Variants in PLXNA4 observed in about 807,000 individuals in gnomAD.
PLXNA4 encodes plexin A4.
In PLXNA4, 44 loss-of-function variants were observed where a neutral mutation model predicts 191.8. The ratio of observed to expected loss-of-function variants is 0.23; its 90% CI spans 0.18 to 0.29. The LOEUF is 0.29. Among genes scored for constraint, PLXNA4 ranks in the 10% least tolerant of loss-of-function variants. The probability of loss-of-function intolerance (pLI) is 1.00; values close to 1 mark genes in which losing one functional copy is unlikely to be tolerated. For missense variants in PLXNA4, 1,800 were observed against 2,488.8 expected (o/e 0.72, Z 5.89); for synonymous variants, 1,082 against 1,009.5 (o/e 1.07, Z -1.36).
intron 1 of PLXNA4, among the ~76,000 whole-genome samples, chr7:132,553,099 A>C (rs1800631510): frequency 1.3e-5 from 2 of 152,126 alleles, no homozygotes; most frequent in African/African-American, 4.8e-5. Context: ...CAGGCAGAAA[A>C]CCTGCTGCTC....
chr7:132,378,002 A>G (rs1447812950), intron 3 of PLXNA4, among the ~76,000 whole-genome samples: 1 of 152,218 alleles, frequency 6.6e-6, no homozygotes, highest in Non-Finnish European at 1.5e-5. Context: ...CTGACATAGC[A>G]CTGTTCCCCC....
chr7:132,377,620 G>A lies in PLXNA4; in HGVS notation c.1372-79398C>T, dbSNP rs73436739. On this transcript the variant is annotated intron_variant, in intron 3 of 31. Coordinates refer to ENST00000321063, the MANE Select transcript of PLXNA4 (RefSeq NM_020911.2). ...TCCCCTTCTACAACATCCCTCATGGGTCCACAGGAGCCCCTCTCCCCACCT... is the reference window on the plus strand; with the variant it reads ...TCCCCTTCTACAACATCCCTCATGGATCCACAGGAGCCCCTCTCCCCACCT... Among the ~76,000 whole-genome samples, 1,293 of 152,072 alleles carry A rather than the reference G, an allele frequency of 8.5e-3. 16 individuals are homozygous for A. Among genetic ancestry groups the A allele is most frequent in the African/African-American group, 0.029 (1,208 of 41,446 alleles).
At chr7:132,404,980 A>G (rs1219135775) in intron 3 of PLXNA4, among the ~76,000 whole-genome samples, 2 of 151,994 alleles carry the variant, frequency 1.3e-5, no homozygotes, top group Non-Finnish European at 2.9e-5. Context: ...GAAGGATCTG[A>G]GTCTGACGTT....
chr7:132,603,924 A>C (rs1452728531), intron 2 of PLXNA4, among the ~76,000 whole-genome samples: 1 of 152,210 alleles, frequency 6.6e-6, no homozygotes, highest in African/African-American at 2.4e-5. Flanking sequence ...AAAACCTTGC[A>C]TCCACTATGT....
chr7:132,178,419 T>A (rs1318532914), intron 20 of PLXNA4, among the ~76,000 whole-genome samples: 1 of 152,152 alleles, frequency 6.6e-6, no homozygotes, highest in African/African-American at 2.4e-5. Flanking sequence ...TGGCTTTTTA[T>A]CAGTCTGCAG....
chr7:132,290,574 C>T (rs899280127), intron 4 of PLXNA4, among the ~76,000 whole-genome samples: 1 of 152,166 alleles, frequency 6.6e-6, no homozygotes, highest in Non-Finnish European at 1.5e-5. Flanking sequence ...TAAATACACA[C>T]CACACTCATA....
At chr7:132,185,587 CA>C in intron 15 of PLXNA4, 124 bp from the exon 16 acceptor site, 5 of 1,378,910 alleles carry the variant, frequency 3.6e-6, no homozygotes, top group Non-Finnish European at 4.8e-6. Context: ...TGGGTGCTCT[CA>C]GACAGAAAAC....
intron 3 of PLXNA4, among the ~76,000 whole-genome samples, chr7:132,423,176 C>T (rs1055200350): frequency 2.6e-5 from 4 of 152,232 alleles, no homozygotes; most frequent in East Asian, 1.9e-4. Context: ...ATCTGCCCTG[C>T]GGAGGCTCTG....
At chr7:132,304,797 C>T (rs564861734) in intron 3 of PLXNA4, among the ~76,000 whole-genome samples, 10 of 152,198 alleles carry the variant, frequency 6.6e-5, no homozygotes, top group Admixed American at 2.0e-4. Flanking sequence ...GCCCTCCCTC[C>T]CCCCTGTCCT....
At chr7:132,453,759 C>T (rs1796215490) in intron 3 of PLXNA4, among the ~76,000 whole-genome samples, 1 of 152,204 alleles carries the variant, frequency 6.6e-6, no homozygotes, top group African/African-American at 2.4e-5. Context: ...CCAGGAAGGT[C>T]TCTATCTCCT....
intron 29 of PLXNA4, 54 bp downstream of exon 29, chr7:132,145,065 G>C (rs1056928378): frequency 6.2e-7 from 1 of 1,611,792 alleles, no homozygotes; most frequent in African/African-American, 1.3e-5. Context: ...CCATTAACTT[G>C]AGGCTGGGTG....
intron 1 of PLXNA4, among the ~76,000 whole-genome samples, chr7:132,550,561 A>G (rs1800516711): frequency 6.6e-6 from 1 of 152,188 alleles, no homozygotes; most frequent in Admixed American, 6.5e-5. Context: ...AGCTCAGCTA[A>G]TTTAAAAAAT....
At chr7:132,570,835 G>C (rs912826664) in intron 1 of PLXNA4, among the ~76,000 whole-genome samples, 5 of 152,200 alleles carry the variant, frequency 3.3e-5, no homozygotes, top group Non-Finnish European at 7.3e-5. Context: ...ACACCATAGA[G>C]GGGGAGGGGA....
chr7:132,470,033 G>A (rs1796875813), intron 3 of PLXNA4, among the ~76,000 whole-genome samples: 2 of 152,186 alleles, frequency 1.3e-5, no homozygotes, highest in Non-Finnish European at 1.5e-5. Context: ...CCACATGCCA[G>A]AGCCACCAAA....
chr7:132,246,173 T>C (rs1016536419), intron 4 of PLXNA4, among the ~76,000 whole-genome samples: 3 of 152,230 alleles, frequency 2.0e-5, no homozygotes, highest in African/African-American at 7.2e-5. Context: ...GCAGCATGGA[T>C]ATGAAAACAC....
At chr7:132,347,733 C>G (rs1010403273) in intron 3 of PLXNA4, among the ~76,000 whole-genome samples, 1 of 151,974 alleles carries the variant, frequency 6.6e-6, no homozygotes, top group African/African-American at 2.4e-5. Context: ...TGCCCATGAT[C>G]ACGGAGATAG....
intron 4 of PLXNA4, among the ~76,000 whole-genome samples, chr7:132,292,025 C>T (rs1800911040): frequency 6.6e-6 from 1 of 152,138 alleles, no homozygotes; most frequent in African/African-American, 2.4e-5. Context: ...GAACTCCTGA[C>T]CTCAGGTGAC....
rs148615103 is a variant in PLXNA4, at chr7:132,571,616, G to A, written c.-87+4806C>T. ...ACCATCCATCCCTTAGCAACCTGGCGCCTTGGACATCTCACCTAAACTCTC... is the reference window on the plus strand; with the variant it reads ...ACCATCCATCCCTTAGCAACCTGGCACCTTGGACATCTCACCTAAACTCTC... On this transcript the variant is annotated intron_variant, in intron 1 of 31. Coordinates refer to ENST00000321063, the MANE Select transcript of PLXNA4 (RefSeq NM_020911.2). Among the ~76,000 whole-genome samples, 54 of 152,248 alleles carry A rather than the reference G, an allele frequency of 3.5e-4. 1 individual carries two copies. In the East Asian group the frequency reaches 7.9e-3, roughly 22 times the overall value.
chr7:132,361,556 T>G (rs758479503), intron 3 of PLXNA4, among the ~76,000 whole-genome samples: 6 of 152,138 alleles, frequency 3.9e-5, no homozygotes, highest in Non-Finnish European at 7.4e-5. Context: ...CTTTCTCTTT[T>G]GCTAAGAGAA....
Sources: allele counts gnomAD v4.1 joint callset (sites outside exome capture counted in the v4.1 genomes callset), GRCh38; gene constraint gnomAD v4.1.1; transcripts MANE v1.5; gene names NCBI Gene and HGNC (gene_info 2026-07-23, HGNC 2026-07-21).